Variants in RBFOX1 observed in about 807,000 individuals in gnomAD.
RBFOX1 encodes RNA binding fox-1 homolog 1, also known as RNA binding protein fox-1 homolog 1.
Under a neutral mutation model 57.7 loss-of-function variants are expected in RBFOX1, and 8 were observed. The observed-to-expected ratio is 0.14, with a 90% CI of 0.08 to 0.25. The LOEUF (loss-of-function observed/expected upper bound fraction) is 0.25. RBFOX1 is among the 10% of genes least tolerant of loss of function. The pLI is 1.00. For synonymous variants in RBFOX1, 326 were observed against 222.4 expected, an observed-to-expected ratio of 1.47 and a Z score of -4.15; for missense variants, 611 against 548.5, an observed-to-expected ratio of 1.11 and a Z score of -1.14.
chr16:7,428,018 C>A (rs975826844), intron 4 of RBFOX1, among the ~76,000 whole-genome samples: 1 of 152,138 alleles, frequency 6.6e-6, no homozygotes, highest in Non-Finnish European at 1.5e-5. Flanking sequence ...TTTCTCCCTC[C>A]TATTTGCTCA....
At chr16:5,888,125 A>G (rs1191959906) in intron 4 of RBFOX1, among the ~76,000 whole-genome samples, 1 of 152,112 alleles carries the variant, frequency 6.6e-6, no homozygotes, top group Non-Finnish European at 1.5e-5. Context: ...CCACTTGCTC[A>G]TTCCCCAGCT....
At position 7,221,401 on chromosome 16, in the gene RBFOX1, C is replaced by T. The variant is rs929323008; in HGVS notation, c.27+169303C>T. Among the ~76,000 whole-genome samples, 20 of 150,756 alleles carry T rather than the reference C, an allele frequency of 1.3e-4. No individual in the cohort carries two copies. In the East Asian group the frequency reaches 3.3e-3, roughly 25 times the overall value. On this transcript the variant is annotated intron_variant, in intron 4 of 15. Coordinates refer to ENST00000550418, the MANE Select transcript of RBFOX1 (RefSeq NM_018723.4). ...TTTATTTATGAGACAGAGTTTTGCT[C>T]TGTCGTCCAGGATAGAGTGCAGTGG... is the stretch of plus-strand genomic sequence containing the variant.
At chr16:5,347,556 C>A (rs771570122) in intron 1 of RBFOX1, among the ~76,000 whole-genome samples, 2 of 152,146 alleles carry the variant, frequency 1.3e-5, no homozygotes, top group Non-Finnish European at 2.9e-5. Flanking sequence ...ATCCACCTAC[C>A]GACTCATCCT....
In RBFOX1 at chr16:6,779,769, ATATATT is replaced by A. The variant is rs1226350828; in HGVS notation, c.-16+125125_-16+125130del. The stretch of plus-strand genomic sequence containing the variant: ...TATATATACTTTTATATATTTATAT[ATATATT>A]TATATATATTTTTATATATACTTTT... On this transcript the variant is annotated intron_variant, in intron 3 of 15. Coordinates refer to ENST00000550418, the MANE Select transcript of RBFOX1 (RefSeq NM_018723.4). Among the ~76,000 whole-genome samples the A allele has an allele frequency of 2.1e-3, 13 of 6,062 alleles. 1 individual carries two copies. Among genetic ancestry groups the A allele is most frequent in the East Asian group, 0.023 (1 of 44 alleles). The allele number at this position is 6,062 out of a possible 152,430, so 4.0% of individuals were successfully genotyped here.
intron 3 of RBFOX1, among the ~76,000 whole-genome samples, chr16:6,960,781 C>T (rs923238212): frequency 6.6e-6 from 1 of 151,894 alleles, no homozygotes; most frequent in African/African-American, 2.4e-5. Flanking sequence ...ATCATCATAT[C>T]CCTGACTGTA....
chr16:7,144,519 G>A (rs2127068), intron 4 of RBFOX1, among the ~76,000 whole-genome samples: 1 of 141,026 alleles, frequency 7.1e-6, no homozygotes, highest in Non-Finnish European at 1.5e-5. Flanking sequence ...TAACGTCCCA[G>A]GCTCAAGCGA....
intron 2 of RBFOX1, among the ~76,000 whole-genome samples, chr16:6,416,792 A>C (rs1423408628): frequency 6.6e-6 from 1 of 152,170 alleles, no homozygotes; most frequent in East Asian, 1.9e-4. Context: ...GGATACATCA[A>C]ACAGGTTGCA....
At chr16:6,933,297 T>A (rs567776214) in intron 3 of RBFOX1, among the ~76,000 whole-genome samples, 1 of 152,230 alleles carries the variant, frequency 6.6e-6, no homozygotes, top group Non-Finnish European at 1.5e-5. Flanking sequence ...TATTTATTTA[T>A]TTTTTAGTAA....
chr16:6,893,001 A>G (rs940992314), intron 3 of RBFOX1, among the ~76,000 whole-genome samples: 18 of 152,040 alleles, frequency 1.2e-4, no homozygotes, highest in African/African-American at 4.3e-4. Context: ...AACTACAATT[A>G]CTTTTCATTG....
chr16:6,633,543 C>T (rs932601559), intron 2 of RBFOX1, among the ~76,000 whole-genome samples: 1 of 152,158 alleles, frequency 6.6e-6, no homozygotes, highest in African/African-American at 2.4e-5. Context: ...ATCCCCCCAC[C>T]TGGGCCTCCC....
At chr16:6,266,724 AAAGAAG>A (rs564904972) in intron 1 of RBFOX1, among the ~76,000 whole-genome samples, 3 of 151,820 alleles carry the variant, frequency 2.0e-5, no homozygotes, top group East Asian at 3.9e-4. Flanking sequence ...AAAAAAAAAA[AAAGAAG>A]AAGAAGAAGA....
chr16:5,768,316 T>C (rs1393927376), intron 3 of RBFOX1, among the ~76,000 whole-genome samples: 1 of 152,194 alleles, frequency 6.6e-6, no homozygotes, highest in African/African-American at 2.4e-5. Flanking sequence ...GCCGCTAAGA[T>C]AACTGAGCTT....
intron 4 of RBFOX1, among the ~76,000 whole-genome samples, chr16:7,270,672 C>T (rs922300519): frequency 6.6e-5 from 10 of 152,132 alleles, no homozygotes; most frequent in Admixed American, 5.2e-4. Context: ...TACTATTCTA[C>T]CTTCTCTTTA....
At chr16:7,106,453 T>A (rs1338168550) in intron 4 of RBFOX1, among the ~76,000 whole-genome samples, 2 of 152,130 alleles carry the variant, frequency 1.3e-5, no homozygotes, top group Non-Finnish European at 2.9e-5. Flanking sequence ...AAAACACCCT[T>A]GGGATTGTAA....
At chr16:6,679,236 C>T (rs917358091) in intron 3 of RBFOX1, among the ~76,000 whole-genome samples, 1 of 151,942 alleles carries the variant, frequency 6.6e-6, no homozygotes, top group Admixed American at 6.6e-5. Context: ...CATGAAATCG[C>T]GTTTTAAAGT....
chr16:6,495,295 T>G (rs1182131322), intron 2 of RBFOX1, among the ~76,000 whole-genome samples: 1 of 152,128 alleles, frequency 6.6e-6, no homozygotes, highest in Non-Finnish European at 1.5e-5. Context: ...ATTTTTGTAT[T>G]CTTAGTAGAG....
At chr16:7,064,312 G>T (rs1322104486) in intron 4 of RBFOX1, among the ~76,000 whole-genome samples, 5 of 151,924 alleles carry the variant, frequency 3.3e-5, no homozygotes, top group African/African-American at 1.2e-4. Context: ...GGGCCTACAG[G>T]CACCCGCCAC....
At chr16:7,409,760 G>T (rs897315352) in intron 4 of RBFOX1, among the ~76,000 whole-genome samples, 1 of 150,662 alleles carries the variant, frequency 6.6e-6, no homozygotes, top group Admixed American at 6.7e-5. Flanking sequence ...ACTTCAACAT[G>T]CTTCATTCAT....
Position 5,627,275 on chromosome 16 carries a change from C to A in RBFOX1, c.318+28314C>A, listed in dbSNP as rs80042328. On this transcript the variant is annotated intron_variant, in intron 3 of 19. Coordinates refer to the RBFOX1 transcript ENST00000641259. ...TACCATCTTCTCTTCAAGATTTTCT[C>A]ATGTTATTGGTGTGTCAGACTTAGT... is the stretch of plus-strand genomic sequence containing the variant. 6.0e-3 allele frequency among the ~76,000 whole-genome samples: 910 copies of A among 152,260 alleles called. 8 individuals are homozygous for A. Among genetic ancestry groups the A allele is most frequent in the African/African-American group, 0.021 (864 of 41,534 alleles).
Sources: gnomAD v4.1 joint callset for allele counts (sites outside exome capture counted in the v4.1 genomes callset) on GRCh38, gnomAD v4.1.1 for gene constraint, MANE v1.5 for transcripts, NCBI Gene and HGNC (gene_info 2026-07-23, HGNC 2026-07-21) for gene names.